The following MERTK variants were observed in gnomAD, a reference collection of about 807,000 sequenced individuals.
The protein encoded by MERTK is tyrosine-protein kinase Mer.
Under a neutral mutation model 99.3 loss-of-function variants are expected in MERTK, and 69 were observed. That is an observed-to-expected ratio of 0.70 (90% CI 0.57 to 0.85). The LOEUF (loss-of-function observed/expected upper bound fraction) is 0.85. Among genes scored for constraint, MERTK ranks in the 40% least tolerant of loss-of-function variants. The pLI, the probability that MERTK is intolerant of heterozygous loss-of-function variation, is 0.00. For missense variants in MERTK, 1,125 were observed against 1,249.4 expected (o/e 0.90, Z 1.50); for synonymous variants, 426 against 467.6 (o/e 0.91, Z 1.15).
At chr2:112,026,731 G>A (rs1244062387) in intron 18 of MERTK, among the ~76,000 whole-genome samples, 1 of 152,208 alleles carries the variant, frequency 6.6e-6, no homozygotes, top group African/African-American at 2.4e-5. Flanking sequence ...GTGTGCAAGT[G>A]TTGATAAAGG....
rs550205078 is a variant in MERTK, at chr2:111,961,988, T to G, written c.758-3203T>G. Among the ~76,000 whole-genome samples, 186 of 152,308 alleles carry G rather than the reference T, an allele frequency of 1.2e-3. 3 individuals are homozygous for G. The highest frequency in any genetic ancestry group is 4.0e-3 in the African/African-American group (165 of 41,552). ...TCATTCTTCAAATATTTTATTACTG[T>G]TATTAGTGATAAGCTTTGAGTTTAA... On this transcript the variant is annotated intron_variant, in intron 4 of 18. Coordinates refer to ENST00000295408, the MANE Select transcript of MERTK (RefSeq NM_006343.3).
intron 13 of MERTK, among the ~76,000 whole-genome samples, chr2:112,007,617 G>C (rs528591309): frequency 6.6e-6 from 1 of 152,170 alleles, no homozygotes; most frequent in East Asian, 1.9e-4. Flanking sequence ...TCATCCTTTT[G>C]TGACAGGCTT....
rs1191336711 is a variant in MERTK at position 111,965,295 on chromosome 2, G to A, written c.844+18G>A. On this transcript the variant is annotated intron_variant, in intron 5 of 18. Transcript: ENST00000295408. ...CATCAAAGGTAAGCAGCAAGGCTAG[G>A]CTCCCCATGCATGTTCTGGGAGCTG... 9 of 1,612,640 alleles carry A rather than the reference G, an allele frequency of 5.6e-6. No individual in the cohort carries two copies. In the Admixed American group the frequency reaches 1.3e-4, roughly 24 times the overall value.
rs751722444 is a variant in MERTK, at chr2:111,898,812, TG to T, written c.61+21del. The T allele has an allele frequency of 1.3e-6, 2 of 1,580,572 alleles. No individual in the cohort carries two copies. The highest frequency in any genetic ancestry group is 2.3e-5 in the East Asian group (1 of 43,102). On this transcript the variant is annotated intron_variant, in intron 1 of 18. Coordinates refer to ENST00000295408, the MANE Select transcript of MERTK (RefSeq NM_006343.3). ...TGGCGTAGAGGTGAGTGCGCCCGGC[TG>T]GGGGCCAGGCGAGGGGGTGGGGGCT... is the stretch of plus-strand genomic sequence containing the variant.
chr2:111,934,665 G>C (rs1684732766), intron 2 of MERTK, among the ~76,000 whole-genome samples: 1 of 152,124 alleles, frequency 6.6e-6, no homozygotes, highest in African/African-American at 2.4e-5. Flanking sequence ...CATTCTGTAG[G>C]TTGCCTGCTC....
chr2:111,929,527 A>T lies in MERTK; in HGVS notation c.469A>T (p.Ile157Phe). ...FYPDDEVTAI[I>F]ASFSITSVQR... ...TCCAGATGATGAAGTTACAGCAATA[A>T]TCGCTTCCTTCAGGTATGTGTTCTT... Residue 157 changes from isoleucine to phenylalanine, a missense_variant, in exon 2 of 19, where the codon ATC becomes TTC. Physicochemically the swap from Ile to Phe is conservative, Grantham distance 21. Transcript: ENST00000295408. 1.2e-6 allele frequency: 2 copies of T among 1,611,216 alleles called. No homozygotes were observed. The highest frequency in any genetic ancestry group is 1.7e-6 in the Non-Finnish European group (2 of 1,178,522).
At chr2:112,023,058 G>A (rs193226736) in intron 18 of MERTK, among the ~76,000 whole-genome samples, 5 of 152,152 alleles carry the variant, frequency 3.3e-5, no homozygotes, top group Admixed American at 2.6e-4. Flanking sequence ...AGGGCAGATC[G>A]TTTGAGCCCA....
chr2:111,990,767 T>G (rs899251191), intron 8 of MERTK, among the ~76,000 whole-genome samples: 6 of 152,236 alleles, frequency 3.9e-5, no homozygotes, highest in Admixed American at 3.9e-4. Flanking sequence ...ATGTCAGTGC[T>G]CAAAAAGTTT....
In MERTK at chr2:112,028,372, C is replaced by A; in HGVS notation, c.2508C>A (p.Cys836Ter). 1 of 1,614,182 alleles carries A rather than the reference C, an allele frequency of 6.2e-7. No homozygotes were observed. The highest frequency in any genetic ancestry group is 8.5e-7 in the Non-Finnish European group (1 of 1,180,024). The change falls in exon 19 of 19, where the codon TGC becomes TGA. Residue 836 changes from cysteine (C) to a stop codon, truncating the protein, a stop_gained. Coordinates refer to ENST00000295408, the MANE Select transcript of MERTK (RefSeq NM_006343.3). LOFTEE classifies it low-confidence loss of function (END_TRUNC). ...TCAGGTATGAAATAATGTACTCTTG[C>A]TGGAGAACCGATCCCTTAGACCGCC... ...LDELYEIMYSCWRTDPLDRPT... is the reference protein window; with the variant it reads ...LDELYEIMYS
At chr2:111,972,411 A>G (rs558342868) in intron 6 of MERTK, among the ~76,000 whole-genome samples, 1 of 152,322 alleles carries the variant, frequency 6.6e-6, no homozygotes, top group East Asian at 1.9e-4. Flanking sequence ...TTGAGACGGC[A>G]GGTCTCAGTG....
chr2:111,967,794 T>G (rs996154421), intron 5 of MERTK, among the ~76,000 whole-genome samples: 57 of 152,314 alleles, frequency 3.7e-4, no homozygotes, highest in African/African-American at 1.3e-3. Flanking sequence ...AGTAAGCTAG[T>G]GCCCAGCCAG....
At position 111,900,059 on chromosome 2, in the gene MERTK, C is replaced by A. The variant is rs188891288; in HGVS notation, c.61+1263C>A. Among the ~76,000 whole-genome samples the A allele has an allele frequency of 2.6e-4, 40 of 152,236 alleles. 1 individual carries two copies. The highest frequency in any genetic ancestry group is 9.4e-4 in the African/African-American group (39 of 41,544). On this transcript the variant is annotated intron_variant, in intron 1 of 18. Coordinates refer to ENST00000295408, the MANE Select transcript of MERTK (RefSeq NM_006343.3). The stretch of plus-strand genomic sequence containing the variant: ...TCTCTCAGCTAAAAGGTTTCTATTT[C>A]CATTCAGCATGTAGATTTTCTCTCT...
In MERTK at chr2:111,910,226, C is replaced by T. The variant is rs530338843; in HGVS notation, c.61+11430C>T. ...ACTGTACTGAGCTATGATTGCCTTACTGCACTCCAGCCTGGGCAACAGAGT... is the reference window on the plus strand; with the variant it reads ...ACTGTACTGAGCTATGATTGCCTTATTGCACTCCAGCCTGGGCAACAGAGT... On this transcript the variant is annotated intron_variant, in intron 1 of 18. Coordinates refer to ENST00000295408, the MANE Select transcript of MERTK (RefSeq NM_006343.3). Among the ~76,000 whole-genome samples, 3 of 151,462 alleles carry T rather than the reference C, an allele frequency of 2.0e-5. No homozygotes were observed. The East Asian group carries it at 5.8e-4, about 30-fold the overall frequency.
chr2:111,989,150 T>A (rs562222187), intron 8 of MERTK, among the ~76,000 whole-genome samples: 15 of 152,188 alleles, frequency 9.9e-5, no homozygotes, highest in African/African-American at 3.6e-4. Context: ...TCATTCAAAT[T>A]CCACAGTGTG....
At chr2:111,902,577 C>G (rs895973154) in intron 1 of MERTK, among the ~76,000 whole-genome samples, 3 of 152,152 alleles carry the variant, frequency 2.0e-5, no homozygotes, top group Non-Finnish European at 4.4e-5. Context: ...TGCAGTGACT[C>G]TTCCCTCTGG....
chr2:111,990,237 TTAAAAC>T (rs1422323352), intron 8 of MERTK, among the ~76,000 whole-genome samples: 2 of 152,202 alleles, frequency 1.3e-5, no homozygotes, highest in African/African-American at 4.8e-5. Flanking sequence ...ATGAATCATT[TTAAAAC>T]TATATTTAAG....
chr2:111,909,584 G>A (rs988858713), intron 1 of MERTK, among the ~76,000 whole-genome samples: 11 of 152,206 alleles, frequency 7.2e-5, no homozygotes, highest in Non-Finnish European at 1.5e-4. Context: ...GGCTCCAGAA[G>A]AAGGTCCTCA....
At chr2:111,930,126 T>C (rs1202823111) in intron 2 of MERTK, 1 of 152,486 alleles carries the variant, frequency 6.6e-6, no homozygotes, top group Non-Finnish European at 1.5e-5. Context: ...CAAGTACAGC[T>C]GGACCCAAGA....
intron 15 of MERTK, 173 bp downstream of exon 15, chr2:112,010,239 C>T: frequency 1.5e-6 from 1 of 646,450 alleles, no homozygotes; most frequent in South Asian, 1.5e-5. Context: ...TCACAGCAGG[C>T]CTGCTCCAGG....
Sources: gnomAD v4.1 joint callset for allele counts (sites outside exome capture counted in the v4.1 genomes callset) on GRCh38, gnomAD v4.1.1 for gene constraint, MANE v1.5 for transcripts, NCBI Gene and HGNC (gene_info 2026-07-23, HGNC 2026-07-21) for gene names.